The following HDAC9 variants were observed in gnomAD, a reference collection of about 807,000 sequenced individuals.
The protein encoded by HDAC9 is MEF-2 interacting transcription repressor (MITR) protein.
In HDAC9, 41 loss-of-function variants were observed where a neutral mutation model predicts 139.4. The ratio of observed to expected loss-of-function variants is 0.29; its 90% CI spans 0.23 to 0.38. HDAC9 has a LOEUF of 0.38. Ranked by LOEUF, HDAC9 falls within the 10% of genes least tolerant of loss-of-function variation. HDAC9 has a pLI of 1.00. For synonymous variants in HDAC9, 517 were observed against 476.2 expected, an observed-to-expected ratio of 1.09 and a Z score of -1.12; for missense variants, 1,147 against 1,297.0, an observed-to-expected ratio of 0.88 and a Z score of 1.78.
chr7:18,985,367 A>C (rs934275430), intron 25 of HDAC9, among the ~76,000 whole-genome samples: 4 of 151,956 alleles, frequency 2.6e-5, no homozygotes, highest in African/African-American at 4.8e-5. Context: ...ATGTTTTCCA[A>C]TTTCATCCAT....
intron 2 of HDAC9, among the ~76,000 whole-genome samples, chr7:18,265,862 A>G (rs1249457187): frequency 6.6e-6 from 1 of 152,180 alleles, no homozygotes; most frequent in Non-Finnish European, 1.5e-5. Flanking sequence ...CACAGATAAT[A>G]TTGCTCAAAG....
chr7:18,440,485 G>A lies in HDAC9; in HGVS notation c.-41-55777G>A, dbSNP rs562019934. Among the ~76,000 whole-genome samples the A allele has an allele frequency of 7.2e-5, 11 of 151,964 alleles. No homozygotes were observed. In the South Asian group the frequency reaches 1.9e-3, roughly 26 times the overall value. On this transcript the variant is annotated intron_variant, in intron 1 of 3. Transcript: ENST00000413509. ...CAGGCATGAGCCACCAGGCCCGGCCGGTTTACTTCTTTATATTGTAATTAA... is the reference window on the plus strand; with the variant it reads ...CAGGCATGAGCCACCAGGCCCGGCCAGTTTACTTCTTTATATTGTAATTAA...
chr7:18,392,309 T>TCACACACACACA (rs1385711426), intron 1 of HDAC9, among the ~76,000 whole-genome samples: 4 of 131,240 alleles, frequency 3.0e-5, no homozygotes, highest in African/African-American at 1.3e-4. Flanking sequence ...TCTCTCTCTC[T>TCACACACACACA]CTCTCTCACA....
intron 2 of HDAC9, among the ~76,000 whole-genome samples, chr7:18,194,036 G>A (rs556953762): frequency 6.6e-6 from 1 of 152,272 alleles, no homozygotes; most frequent in East Asian, 1.9e-4. Context: ...GATTTTTCCT[G>A]ATGGCTGTCA....
At chr7:18,945,138 A>G (rs1447073907) in intron 23 of HDAC9, among the ~76,000 whole-genome samples, 1 of 152,120 alleles carries the variant, frequency 6.6e-6, no homozygotes, top group Non-Finnish European at 1.5e-5. Context: ...TACAATTTGT[A>G]CTCCTACCAG....
At chr7:18,578,157 G>A (rs192808849) in intron 2 of HDAC9, 547 of 518,964 alleles carry the variant, frequency 1.1e-3, no homozygotes, top group African/African-American at 0.01. Flanking sequence ...TGGAGCCAGA[G>A]AAACAAGATG....
intron 2 of HDAC9, among the ~76,000 whole-genome samples, chr7:18,215,857 G>A (rs564489705): frequency 2.6e-5 from 4 of 152,108 alleles, no homozygotes; most frequent in East Asian, 1.9e-4. Flanking sequence ...AGCTGTTTTT[G>A]TCAATCATAT....
rs776312402 is a variant in HDAC9 at position 18,624,014 on chromosome 7, T to C, written c.665-5336T>C. On this transcript the variant is annotated intron_variant, in intron 6 of 25. Transcript: ENST00000686413. ...GAGTCCTGTGTGCTTCTACACAAGA[T>C]AGTTTGTGTGCCTGTCTGCATGCAT... Among the ~76,000 whole-genome samples, 6 of 152,282 alleles carry C rather than the reference T, an allele frequency of 3.9e-5. No individual in the cohort carries two copies. In the East Asian group the frequency reaches 1.2e-3, roughly 29 times the overall value.
At chr7:18,809,082 A>G (rs1265166224) in intron 17 of HDAC9, among the ~76,000 whole-genome samples, 2 of 152,078 alleles carry the variant, frequency 1.3e-5, no homozygotes, top group East Asian at 1.9e-4. Flanking sequence ...CAAGAATACA[A>G]AATGGGGAAA....
chr7:18,367,791 T>A (rs1396330423), intron 1 of HDAC9, among the ~76,000 whole-genome samples: 1 of 152,098 alleles, frequency 6.6e-6, no homozygotes, highest in East Asian at 1.9e-4. Flanking sequence ...CCAATGTATA[T>A]GCCCATCAGC....
At chr7:18,484,009 A>G (rs1379914869) in intron 1 of HDAC9, among the ~76,000 whole-genome samples, 2 of 152,088 alleles carry the variant, frequency 1.3e-5, no homozygotes, top group East Asian at 1.9e-4. Flanking sequence ...TTGAAAGTGT[A>G]AAAAAGGGTA....
At chr7:18,276,517 T>C (rs1350903495) in intron 2 of HDAC9, among the ~76,000 whole-genome samples, 2 of 152,158 alleles carry the variant, frequency 1.3e-5, no homozygotes, top group African/African-American at 4.8e-5. Flanking sequence ...TTTTCAGGAG[T>C]GTTCTGAGCT....
chr7:18,465,658 G>A (rs1471241384), intron 1 of HDAC9, among the ~76,000 whole-genome samples: 5 of 152,072 alleles, frequency 3.3e-5, no homozygotes, highest in South Asian at 2.1e-4. Flanking sequence ...AGTATTAGCC[G>A]TTGCCTTTTC....
intron 2 of HDAC9, among the ~76,000 whole-genome samples, chr7:18,523,736 A>G (rs946273886): frequency 8.5e-5 from 13 of 152,184 alleles, no homozygotes; most frequent in Non-Finnish European, 1.2e-4. Context: ...AAGGTGGTTC[A>G]TGAGTTGGGA....
chr7:18,902,506 A>G (rs1415377235), intron 22 of HDAC9, among the ~76,000 whole-genome samples: 3 of 152,228 alleles, frequency 2.0e-5, no homozygotes, highest in African/African-American at 7.2e-5. Flanking sequence ...ATTTCCCCAA[A>G]GATTCGTTTG....
chr7:18,904,962 G>A (rs1418434315), intron 22 of HDAC9, among the ~76,000 whole-genome samples: 1 of 151,934 alleles, frequency 6.6e-6, no homozygotes, highest in Non-Finnish European at 1.5e-5. Flanking sequence ...TCAGTGGCGG[G>A]ATGTCCACTC....
At chr7:18,779,276 C>T (rs1791043138) in intron 16 of HDAC9, among the ~76,000 whole-genome samples, 1 of 152,026 alleles carries the variant, frequency 6.6e-6, no homozygotes, top group Non-Finnish European at 1.5e-5. Context: ...AGGGTTTCAG[C>T]AGAACATCTA....
At chr7:18,529,917 A>G (rs1386291349) in intron 2 of HDAC9, among the ~76,000 whole-genome samples, 3 of 152,124 alleles carry the variant, frequency 2.0e-5, no homozygotes, top group African/African-American at 7.2e-5. Flanking sequence ...ATCCATAAAA[A>G]CTAGATTTAA....
chr7:18,599,827 G>T (rs142943226), intron 6 of HDAC9, among the ~76,000 whole-genome samples: 7 of 152,140 alleles, frequency 4.6e-5, no homozygotes, highest in Admixed American at 2.0e-4. Flanking sequence ...TGGATCATGT[G>T]GTAAGACTTG....
Sources: allele counts gnomAD v4.1 joint callset (sites outside exome capture counted in the v4.1 genomes callset), GRCh38; gene constraint gnomAD v4.1.1; transcripts MANE v1.5; gene names NCBI Gene and HGNC (gene_info 2026-07-23, HGNC 2026-07-21).